Variants in SHISAL1 observed in about 807,000 individuals in gnomAD.
The protein encoded by SHISAL1 is protein shisa-like-1.
SHISAL1 carries 9 observed loss-of-function variants against 22.6 expected under a neutral mutation model. The observed-to-expected ratio is 0.40, with a 90% CI of 0.24 to 0.70. SHISAL1 has a LOEUF of 0.70. SHISAL1 is among the 30% of genes least tolerant of loss of function. The pLI, the probability that SHISAL1 is intolerant of heterozygous loss-of-function variation, is 0.39. For missense variants in SHISAL1, 246 were observed against 270.6 expected, an observed-to-expected ratio of 0.91 and a Z score of 0.64; for synonymous variants, 119 against 115.4, an observed-to-expected ratio of 1.03 and a Z score of -0.20.
chr22:44,302,131 A>C (rs980754224), intron 1 of SHISAL1, among the ~76,000 whole-genome samples: 1 of 152,180 alleles, frequency 6.6e-6, no homozygotes, highest in South Asian at 2.1e-4. Flanking sequence ...ACCTGAGGTC[A>C]GGAGTTCGAG....
At chr22:44,252,736 T>C (rs1285779129) in intron 4 of SHISAL1, among the ~76,000 whole-genome samples, 4 of 151,994 alleles carry the variant, frequency 2.6e-5, no homozygotes, top group Non-Finnish European at 4.4e-5. Flanking sequence ...GGCTCACACC[T>C]GTAATCTCAG....
rs767424183 is a variant in SHISAL1 at position 44,244,587 on chromosome 22, G to A, written c.*5098C>T. On this transcript the variant is annotated 3_prime_UTR_variant, in exon 5 of 5. Transcript: ENST00000381176. Reference sequence around the variant, plus strand: ...TTGGACTAGAAACTGGGGTGGTGGGGGGCAATGACACCTCCAAGGTCACTT... The same window carrying A: ...TTGGACTAGAAACTGGGGTGGTGGGAGGCAATGACACCTCCAAGGTCACTT... The A allele has an allele frequency of 1.3e-5, 2 of 152,180 alleles. No homozygotes were observed. Among genetic ancestry groups the A allele is most frequent in the Non-Finnish European group, 2.9e-5 (2 of 68,056 alleles). 9.4% of individuals were successfully genotyped at this position (152,180 alleles called of 1,614,324 possible).
Position 44,246,333 on chromosome 22 carries a change from C to T in SHISAL1, c.*3352G>A, listed in dbSNP as rs2055000739. On this transcript the variant is annotated 3_prime_UTR_variant, in exon 5 of 5. Coordinates refer to ENST00000381176, the MANE Select transcript of SHISAL1 (RefSeq NM_001099294.2). ...TGCAAACAGCCTCGAATGCAGATTCCTCTGTGGACATCTTGTCCTCTTCTC... is the reference window on the plus strand; with the variant it reads ...TGCAAACAGCCTCGAATGCAGATTCTTCTGTGGACATCTTGTCCTCTTCTC... 6.6e-6 allele frequency: 1 copy of T among 152,326 alleles called. No individual in the cohort carries two copies. Among genetic ancestry groups the T allele is most frequent in the East Asian group, 1.9e-4 (1 of 5,190 alleles). 9.4% of individuals were successfully genotyped at this position (152,326 alleles called of 1,614,324 possible). A position where few individuals can be genotyped will look rare whatever the true frequency, so the allele number is the denominator to read the frequency against.
chr22:44,286,858 G>C (rs180983394), intron 3 of SHISAL1, among the ~76,000 whole-genome samples: 2 of 152,326 alleles, frequency 1.3e-5, no homozygotes, highest in African/African-American at 4.8e-5. Context: ...TGAAGCCACC[G>C]ATCTGTTAAT....
At chr22:44,264,969 A>C (rs1291731340) in intron 4 of SHISAL1, among the ~76,000 whole-genome samples, 9 of 151,988 alleles carry the variant, frequency 5.9e-5, no homozygotes, top group Non-Finnish European at 1.3e-4. Context: ...CAGAGCCCCC[A>C]AAACACAACC....
rs2055262198 is a variant in SHISAL1, at chr22:44,279,512, G to A, written c.599+5916C>T. On this transcript the variant is annotated intron_variant, in intron 4 of 4. Coordinates refer to ENST00000381176, the MANE Select transcript of SHISAL1 (RefSeq NM_001099294.2). ...GCTGCAGAGCCAGGAAGAACATGAT[G>A]CTTGGGTTTCAGCAGGAGAAGGTTC... Among the ~76,000 whole-genome samples the A allele has an allele frequency of 2.6e-5, 4 of 152,230 alleles. No individual in the cohort carries two copies. The South Asian group carries it at 8.3e-4, about 32-fold the overall frequency.
chr22:44,322,750 C>T, the SHISAL1 span, among the ~76,000 whole-genome samples: 1 of 152,164 alleles, frequency 6.6e-6, no homozygotes, highest in Non-Finnish European at 1.5e-5. Flanking sequence ...GGGCCACCAT[C>T]CCTAGTCAAC....
In SHISAL1 at chr22:44,249,585, C is replaced by T. The variant is rs544162311; in HGVS notation, c.*100G>A. The T allele has an allele frequency of 3.8e-5, 29 of 756,508 alleles. No homozygotes were observed. The highest frequency in any genetic ancestry group is 8.3e-5 in the South Asian group (6 of 72,160). The allele number at this position is 756,508 out of a possible 1,614,324, so 46.9% of individuals were successfully genotyped here. On this transcript the variant is annotated 3_prime_UTR_variant, in exon 5 of 5. Coordinates refer to ENST00000381176, the MANE Select transcript of SHISAL1 (RefSeq NM_001099294.2). Reference sequence around the variant, plus strand: ...TCCTCCTGTGCCACCGCCGCTACCTCGGCTGTCCCTGGCATCTCTGTAGAA... The same window carrying T: ...TCCTCCTGTGCCACCGCCGCTACCTTGGCTGTCCCTGGCATCTCTGTAGAA...
chr22:44,315,866 C>G (rs1462477777), upstream of SHISAL1, among the ~76,000 whole-genome samples: 1 of 152,096 alleles, frequency 6.6e-6, no homozygotes, highest in Non-Finnish European at 1.5e-5. Context: ...GGCTCACAGG[C>G]AGCAGTTCCC....
intron 1 of SHISAL1, among the ~76,000 whole-genome samples, chr22:44,306,969 G>C (rs1001833196): frequency 2.0e-5 from 3 of 151,790 alleles, no homozygotes; most frequent in Non-Finnish European, 4.4e-5. Flanking sequence ...GGGGACCTGG[G>C]CTTAGGAAGC....
At chr22:44,308,983 C>T (rs373266102) in intron 1 of SHISAL1, among the ~76,000 whole-genome samples, 7 of 152,324 alleles carry the variant, frequency 4.6e-5, no homozygotes, top group African/African-American at 1.7e-4. Flanking sequence ...CGGCTGGTGG[C>T]GGAGCTCAGG....
Position 44,301,510 on chromosome 22 carries a change from A to G in SHISAL1, c.-32-533T>C, listed in dbSNP as rs972620631. Among the ~76,000 whole-genome samples the G allele has an allele frequency of 2.0e-5, 3 of 152,372 alleles. No homozygotes were observed. In the East Asian group the frequency reaches 5.8e-4, roughly 29 times the overall value. On this transcript the variant is annotated intron_variant, in intron 1 of 4. Transcript: ENST00000381176. ...TGTGTTCTACTCAGGAAGGCTGACA[A>G]CACGCAAACAAATGAATGTTTAAAA...
At chr22:44,252,865 G>C (rs950340009) in intron 4 of SHISAL1, among the ~76,000 whole-genome samples, 3 of 151,818 alleles carry the variant, frequency 2.0e-5, no homozygotes, top group Non-Finnish European at 4.4e-5. Context: ...CGTGGTGGTG[G>C]GTGCCTGCAG....
chr22:44,314,896 T>C (rs1461283360), upstream of SHISAL1, among the ~76,000 whole-genome samples: 1 of 152,188 alleles, frequency 6.6e-6, no homozygotes, highest in Non-Finnish European at 1.5e-5. Context: ...ATCTCAGCGC[T>C]ATGAGGCTAG....
chr22:44,323,919 A>C, the SHISAL1 span, among the ~76,000 whole-genome samples: 1 of 152,188 alleles, frequency 6.6e-6, no homozygotes, highest in South Asian at 2.1e-4. Flanking sequence ...CGTCTGCACC[A>C]AACACATTCC....
chr22:44,319,478 A>C, the SHISAL1 span, among the ~76,000 whole-genome samples: 1 of 152,232 alleles, frequency 6.6e-6, no homozygotes, highest in African/African-American at 2.4e-5. Context: ...CTTCCCCATT[A>C]CTGGGAACAG....
upstream of SHISAL1, among the ~76,000 whole-genome samples, chr22:44,314,924 C>G (rs1450841854): frequency 6.6e-6 from 1 of 152,152 alleles, no homozygotes; most frequent in East Asian, 1.9e-4. Context: ...GTAAAGTCTC[C>G]AAAGATGAAG....
At chr22:44,253,020 A>C (rs1160391495) in intron 4 of SHISAL1, among the ~76,000 whole-genome samples, 8 of 151,964 alleles carry the variant, frequency 5.3e-5, no homozygotes, top group African/African-American at 1.7e-4. Context: ...AAATAAAAAA[A>C]AAGGGCAGAT....
At chr22:44,279,324 T>TC (rs2055260962) in intron 4 of SHISAL1, among the ~76,000 whole-genome samples, 3 of 152,286 alleles carry the variant, frequency 2.0e-5, no homozygotes, top group Middle Eastern at 3.4e-3. Flanking sequence ...ACTCAGGACA[T>TC]CAACTGTCTT....
Sources: allele counts gnomAD v4.1 joint callset (sites outside exome capture counted in the v4.1 genomes callset), GRCh38; gene constraint gnomAD v4.1.1; transcripts MANE v1.5; gene names NCBI Gene and HGNC (gene_info 2026-07-23, HGNC 2026-07-21).